Variants in NCBP3 observed in about 807,000 individuals in gnomAD.
NCBP3 encodes the protein nuclear cap binding subunit 3.
Under a neutral mutation model 75.7 loss-of-function variants are expected in NCBP3, and 20 were observed. The ratio of observed to expected loss-of-function variants is 0.26; its 90% CI spans 0.19 to 0.38. The LOEUF is 0.38. Among genes scored for constraint, NCBP3 ranks in the 10% least tolerant of loss-of-function variants. NCBP3 has a pLI of 1.00. For missense variants in NCBP3, 678 were observed against 796.9 expected (o/e 0.85, Z 1.80); for synonymous variants, 293 against 290.5 (o/e 1.01, Z -0.09).
rs2053832911 is a variant in NCBP3, at chr17:3,829,001, C to T, written c.481+242G>A. On this transcript the variant is annotated intron_variant, in intron 4 of 12. Transcript: ENST00000389005. ...TACGGCAGATTCAGAGGCCAGTAAC[C>T]CACCTCCTAGAGCCCTGGCCACCAC... Among the ~76,000 whole-genome samples the T allele has an allele frequency of 1.3e-5, 2 of 151,990 alleles. 1 individual carries two copies. Among genetic ancestry groups the T allele is most frequent in the Middle Eastern group, 6.9e-3 (2 of 288 alleles).
At chr17:3,824,175 AT>A (rs2053725869) in intron 7 of NCBP3, 1 of 152,210 alleles carries the variant, frequency 6.6e-6, no homozygotes, top group South Asian at 2.1e-4. Flanking sequence ...ACAGTACTGT[AT>A]TAATGTTAAA....
chr17:3,833,794 AT>A (rs985609332), intron 3 of NCBP3, among the ~76,000 whole-genome samples: 16 of 151,900 alleles, frequency 1.1e-4, no homozygotes, highest in African/African-American at 3.6e-4. Context: ...TATTTTTGTC[AT>A]TTTTTGGTCT....
chr17:3,819,570 AAAAG>A (rs1280371904), intron 9 of NCBP3, among the ~76,000 whole-genome samples: 2 of 152,084 alleles, frequency 1.3e-5, no homozygotes, highest in Admixed American at 6.6e-5. Flanking sequence ...AAAAAAAAAA[AAAAG>A]AGAGAAACAT....
In NCBP3 at chr17:3,812,421, G is replaced by A. The variant is rs373228247; in HGVS notation, c.*623C>T. On this transcript the variant is annotated 3_prime_UTR_variant, in exon 13 of 13. Transcript: ENST00000389005. The stretch of plus-strand genomic sequence containing the variant: ...GATCTTCACATCAAGCTGACAGCAC[G>A]TAAGAGGCCCATGCCATGAGCAATC... The A allele has an allele frequency of 1.6e-5, 12 of 740,972 alleles. No individual in the cohort carries two copies. Among genetic ancestry groups the A allele is most frequent in the Middle Eastern group, 7.1e-4 (1 of 1,418 alleles). The allele number at this position is 740,972 out of a possible 1,614,324, so 45.9% of individuals were successfully genotyped here. A position where few individuals can be genotyped will look rare whatever the true frequency, so the allele number is the denominator to read the frequency against.
intron 12 of NCBP3, 78 bp from the exon 13 acceptor site, chr17:3,813,357 C>A: frequency 6.5e-7 from 1 of 1,529,924 alleles, no homozygotes; most frequent in Admixed American, 1.8e-5. Flanking sequence ...AGCAGCACTG[C>A]CAACACCTGC....
In NCBP3 at chr17:3,813,022, G is replaced by T. The variant is rs1302126768; in HGVS notation, c.*22C>A. On this transcript the variant is annotated 3_prime_UTR_variant, in exon 13 of 13. Coordinates refer to ENST00000389005, the MANE Select transcript of NCBP3 (RefSeq NM_001114118.3). ...TGCAAGAATGTCAGGCTTTAGGGCA[G>T]CTGCCATAGGCCCCAGGGGCATCAG... 18 of 1,613,660 alleles carry T rather than the reference G, an allele frequency of 1.1e-5. No homozygotes were observed. In the Admixed American group the frequency reaches 1.7e-4, roughly 15 times the overall value.
intron 4 of NCBP3, among the ~76,000 whole-genome samples, chr17:3,826,670 A>AAGAAAGAGAAAGAGAGAC (rs1454955786): frequency 6.8e-6 from 1 of 146,224 alleles, no homozygotes; most frequent in African/African-American, 2.6e-5. Context: ...AAAAGAAAGA[A>AAGAAAGAGAAAGAGAGAC]AGAAAGAGAA....
chr17:3,843,995 A>G (rs2054112602), intron 1 of NCBP3, among the ~76,000 whole-genome samples: 1 of 152,220 alleles, frequency 6.6e-6, no homozygotes, highest in Non-Finnish European at 1.5e-5. Context: ...AAGTGATTCC[A>G]TCAACTCCAA....
chr17:3,837,589 C>T (rs975770033), intron 3 of NCBP3, among the ~76,000 whole-genome samples: 5 of 150,852 alleles, frequency 3.3e-5, no homozygotes, highest in African/African-American at 1.2e-4. Flanking sequence ...AAAAAATTAG[C>T]TGGGTGTGGT....
chr17:3,845,960 G>A (rs2054156958), intron 1 of NCBP3, 81 bp downstream of exon 1: 2 of 1,447,216 alleles, frequency 1.4e-6, no homozygotes, highest in East Asian at 2.9e-5. Context: ...CTGGGGCTCC[G>A]GCCACCGCCC....
intron 11 of NCBP3, 91 bp downstream of exon 11, chr17:3,816,025 A>G (rs752963867): frequency 4.2e-5 from 53 of 1,271,216 alleles, no homozygotes; most frequent in African/African-American, 6.0e-5. Context: ...ATCAGTTCAC[A>G]CATCGCATGT....
At chr17:3,845,989 G>C in intron 1 of NCBP3, 52 bp downstream of exon 1, 1 of 1,519,836 alleles carries the variant, frequency 6.6e-7, no homozygotes, top group Non-Finnish European at 8.9e-7. Flanking sequence ...CCCCTCCGGC[G>C]CTAGACACTA....
rs16942496 is a variant in NCBP3 at position 3,805,703 on chromosome 17, T to C, written c.*7341A>G. 0.046 allele frequency: 7,018 copies of C among 152,320 alleles called. 231 individuals carry two copies. Among genetic ancestry groups the C allele is most frequent in the Admixed American group, 0.095 (1,447 of 15,288 alleles). 9.4% of individuals were successfully genotyped at this position (152,320 alleles called of 1,614,324 possible). On this transcript the variant is annotated 3_prime_UTR_variant, in exon 13 of 13. Transcript: ENST00000389005. ...GGTCCAGGGGCTTGGATCTCTTGTT[T>C]ACAAACCCCTACTTCTTTCCTGCTA...
intron 1 of NCBP3, among the ~76,000 whole-genome samples, chr17:3,845,366 C>T (rs1010716382): frequency 1.3e-5 from 2 of 152,144 alleles, no homozygotes; most frequent in African/African-American, 4.8e-5. Context: ...GATATACAGC[C>T]ACCAAGTCAC....
intron 2 of NCBP3, among the ~76,000 whole-genome samples, chr17:3,841,360 C>G (rs916818819): frequency 2.6e-5 from 4 of 152,166 alleles, no homozygotes; most frequent in Non-Finnish European, 5.9e-5. Context: ...AGTTGCAACA[C>G]TTCTGTTCTT....
rs148214200 is a variant in NCBP3 at position 3,836,482 on chromosome 17, G to A, written c.355+3618C>T. ...AGCCTGGCTAACATGGTGAAACCCC[G>A]TCTCTACTAAAAATATAAAAATTGG... On this transcript the variant is annotated intron_variant, in intron 3 of 12. Transcript: ENST00000389005. Among the ~76,000 whole-genome samples the A allele has an allele frequency of 6.1e-3, 928 of 151,736 alleles. 9 individuals are homozygous for A. Among genetic ancestry groups the A allele is most frequent in the African/African-American group, 0.016 (669 of 41,340 alleles).
intron 2 of NCBP3, among the ~76,000 whole-genome samples, chr17:3,842,583 A>G (rs897973108): frequency 4.6e-5 from 7 of 152,308 alleles, no homozygotes; most frequent in African/African-American, 1.7e-4. Flanking sequence ...ATCTAAGTAG[A>G]GTGATTTTAT....
At chr17:3,822,273 T>C in intron 7 of NCBP3, 1 of 428,340 alleles carries the variant, frequency 2.3e-6, no homozygotes, top group Non-Finnish European at 4.1e-6. Context: ...AAAACTGCTG[T>C]TTGGAGCCAG....
Position 3,818,668 on chromosome 17 carries a change from T to A in NCBP3, c.1001-96A>T. On this transcript the variant is annotated intron_variant, in intron 9 of 12. Transcript: ENST00000389005. The surrounding 1 kb of genome is among the most constrained non-coding windows in gnomAD (Gnocchi z 4.7). ...CGGTGACCTTTTTAAAAGGTGGGGT[T>A]CCCATCCCTGACATTTTATTGGAGC... The A allele has an allele frequency of 7.3e-7, 1 of 1,364,714 alleles. No individual in the cohort carries two copies. Among genetic ancestry groups the A allele is most frequent in the Non-Finnish European group, 9.9e-7 (1 of 1,009,372 alleles). The allele number at this position is 1,364,714 out of a possible 1,614,324, so 84.5% of individuals were successfully genotyped here. A position where few individuals can be genotyped will look rare whatever the true frequency, so the allele number is the denominator to read the frequency against.
Sources: allele counts gnomAD v4.1 joint callset (sites outside exome capture counted in the v4.1 genomes callset), GRCh38; gene constraint gnomAD v4.1.1; non-coding constraint Gnocchi (gnomAD v3.1); transcripts MANE v1.5; gene names NCBI Gene and HGNC (gene_info 2026-07-23, HGNC 2026-07-21).